The following CEP85L variants were observed in gnomAD, a reference collection of about 807,000 sequenced individuals.
The protein encoded by CEP85L is centrosomal protein of 85 kDa-like.
CEP85L carries 60 observed loss-of-function variants against 100.3 expected under a neutral mutation model. The ratio of observed to expected loss-of-function variants is 0.60; its 90% CI spans 0.49 to 0.74. The LOEUF (loss-of-function observed/expected upper bound fraction) is 0.74, where lower values mean the gene tolerates loss of function less well. CEP85L is among the 30% of genes least tolerant of loss of function. CEP85L has a pLI of 0.00. For synonymous variants in CEP85L, 319 were observed against 322.7 expected, an observed-to-expected ratio of 0.99 and a Z score of 0.12; for missense variants, 973 against 936.2, an observed-to-expected ratio of 1.04 and a Z score of -0.51.
In CEP85L at chr6:118,551,686, T is replaced by A. The variant is rs149050437; in HGVS notation, c.1020+13843A>T. On this transcript the variant is annotated intron_variant, in intron 3 of 12. Transcript: ENST00000368491. The stretch of plus-strand genomic sequence containing the variant: ...TGAGAAGCACTTCATTATGGGTCAA[T>A]TTAGGAATGAGAATATATTGATTTT... Among the ~76,000 whole-genome samples, 18 of 152,136 alleles carry A rather than the reference T, an allele frequency of 1.2e-4. No individual in the cohort carries two copies. The East Asian group carries it at 3.5e-3, about 29-fold the overall frequency.
rs1477008465 is a variant in CEP85L, at chr6:118,520,335, CTAA to C, written c.1139+3464_1139+3466del. 3.3e-5 allele frequency among the ~76,000 whole-genome samples: 5 copies of C among 152,236 alleles called. No homozygotes were observed. In the South Asian group the frequency reaches 6.2e-4, roughly 19 times the overall value. Reference sequence around the variant, plus strand: ...ATCTACAAAAAAATACCTACTTAAACTAATAAGTGAGATTAGATTGCAGGATAC... The same window carrying C: ...ATCTACAAAAAAATACCTACTTAAACTAAGTGAGATTAGATTGCAGGATAC... On this transcript the variant is annotated intron_variant, in intron 4 of 12. Transcript: ENST00000368491.
chr6:118,486,436 C>G, intron 6 of CEP85L, among the ~76,000 whole-genome samples: 1 of 152,070 alleles, frequency 6.6e-6, no homozygotes, highest in East Asian at 1.9e-4. Context: ...TATTATCTGG[C>G]TTTTATAAGA....
intron 2 of CEP85L, among the ~76,000 whole-genome samples, chr6:118,613,996 A>C (rs555784591): frequency 1.2e-4 from 18 of 152,318 alleles, no homozygotes; most frequent in African/African-American, 3.8e-4. Flanking sequence ...ACTATAAACA[A>C]AATTCAGCAA....
chr6:118,529,801 T>G (rs756505772), intron 3 of CEP85L, among the ~76,000 whole-genome samples: 33 of 152,118 alleles, frequency 2.2e-4, no homozygotes, highest in Non-Finnish European at 3.4e-4. Flanking sequence ...AGTACATTAA[T>G]ATATGATTGT....
At chr6:118,533,158 C>T (rs1460161247) in intron 3 of CEP85L, among the ~76,000 whole-genome samples, 1 of 151,504 alleles carries the variant, frequency 6.6e-6, no homozygotes, top group Non-Finnish European at 1.5e-5. Context: ...GAGTTTAAAA[C>T]AGAAAAAAAC....
At chr6:118,652,814 G>T, upstream of CEP85L, 1 of 1,142,632 alleles carries the variant, frequency 8.8e-7, no homozygotes, top group Non-Finnish European at 1.3e-6. Context: ...TGTTTCTGAT[G>T]ATAAAAAGAT....
chr6:118,658,471 C>A (rs1775869299), intron 1 of CEP85L, among the ~76,000 whole-genome samples: 1 of 152,110 alleles, frequency 6.6e-6, no homozygotes, highest in African/African-American at 2.4e-5. Flanking sequence ...AATAGAGTTA[C>A]TTTGTCCTGC....
chr6:118,553,293 C>T (rs531607957), intron 3 of CEP85L, among the ~76,000 whole-genome samples: 1 of 150,442 alleles, frequency 6.6e-6, no homozygotes, highest in Non-Finnish European at 1.5e-5. Context: ...GACAACCATG[C>T]CATAAATTAT....
chr6:118,519,486 TTGTGAAACTCCGTGTGC>T (rs1562223031), intron 4 of CEP85L, among the ~76,000 whole-genome samples: 66 of 11,422 alleles, frequency 5.8e-3, no homozygotes, highest in African/African-American at 6.8e-3. Flanking sequence ...CGGGGGGGGG[TTGTGAAACTCCGTGTGC>T]GTGTGTGTGG....
chr6:118,602,451 T>C (rs1410386078), intron 2 of CEP85L, among the ~76,000 whole-genome samples: 2 of 152,200 alleles, frequency 1.3e-5, no homozygotes, highest in Non-Finnish European at 2.9e-5. Flanking sequence ...CTGATTGCAA[T>C]GTGCCCAGAA....
intron 3 of CEP85L, among the ~76,000 whole-genome samples, chr6:118,544,237 T>A (rs896250074): frequency 6.6e-6 from 1 of 152,160 alleles, no homozygotes; most frequent in East Asian, 1.9e-4. Context: ...TTGAAGCAAG[T>A]ATTTGGAGAC....
intron 2 of CEP85L, among the ~76,000 whole-genome samples, chr6:118,590,414 C>T (rs1781119088): frequency 1.3e-5 from 2 of 152,198 alleles, no homozygotes; most frequent in African/African-American, 4.8e-5. Context: ...ATTCCTGCCT[C>T]AACTTCTTGT....
chr6:118,488,887 T>C (rs1774366296), intron 6 of CEP85L, among the ~76,000 whole-genome samples: 1 of 152,096 alleles, frequency 6.6e-6, no homozygotes. Context: ...GCAGAGAAAG[T>C]GGGATGATAA....
chr6:118,511,714 C>G (rs1775981676), intron 4 of CEP85L, among the ~76,000 whole-genome samples: 1 of 152,050 alleles, frequency 6.6e-6, no homozygotes, highest in African/African-American at 2.4e-5. Flanking sequence ...AAGGAGAGAG[C>G]TTTTAAAGAA....
intron 2 of CEP85L, among the ~76,000 whole-genome samples, chr6:118,608,356 G>C (rs1037513389): frequency 2.6e-5 from 4 of 152,070 alleles, no homozygotes; most frequent in African/African-American, 7.2e-5. Context: ...TTAGCCAGGC[G>C]TGGTGGCGTA....
intron 1 of CEP85L, among the ~76,000 whole-genome samples, chr6:118,684,825 AT>A (rs948252889): frequency 2.0e-4 from 30 of 150,938 alleles, no homozygotes; most frequent in African/African-American, 6.6e-4. Context: ...TTTTATTATT[AT>A]TTTTTTTTAG....
intron 10 of CEP85L, among the ~76,000 whole-genome samples, chr6:118,473,524 G>A (rs181284421): frequency 2.0e-3 from 308 of 152,024 alleles, no homozygotes; most frequent in African/African-American, 7.1e-3. Context: ...AGATTGTATA[G>A]GGCCTCAGAA....
chr6:118,639,022 T>C (rs1488394287), intron 1 of CEP85L, among the ~76,000 whole-genome samples: 1 of 152,156 alleles, frequency 6.6e-6, no homozygotes, highest in Admixed American at 6.5e-5. Context: ...GATTTATACT[T>C]TTAAATAAGC....
rs1326935088 is a variant in CEP85L at position 118,461,440 on chromosome 6, T to A, written c.*3965A>T. 1 of 152,016 alleles carries A rather than the reference T, an allele frequency of 6.6e-6. No individual in the cohort carries two copies. Among genetic ancestry groups the A allele is most frequent in the Non-Finnish European group, 1.5e-5 (1 of 67,980 alleles). 9.4% of individuals were successfully genotyped at this position (152,016 alleles called of 1,614,324 possible). A position where few individuals can be genotyped will look rare whatever the true frequency, so the allele number is the denominator to read the frequency against. On this transcript the variant is annotated 3_prime_UTR_variant, in exon 13 of 13. Coordinates refer to ENST00000368491, the MANE Select transcript of CEP85L (RefSeq NM_001042475.3). ...AAAAAATTCCTTAATCAAGTTTATA[T>A]ACAGAAGAACAAGGTGCAATAATCA...
Sources: gnomAD v4.1 joint callset for allele counts (sites outside exome capture counted in the v4.1 genomes callset) on GRCh38, gnomAD v4.1.1 for gene constraint, MANE v1.5 for transcripts, NCBI Gene and HGNC (gene_info 2026-07-23, HGNC 2026-07-21) for gene names.